LRBA: variants seen among roughly 807,000 people sequenced by gnomAD.
LRBA encodes lipopolysaccharide-responsive and beige-like anchor protein.
A neutral mutation model predicts 330.0 loss-of-function variants in LRBA; 176 were observed. The observed-to-expected ratio is 0.53, with a 90% CI of 0.47 to 0.60. The LOEUF (loss-of-function observed/expected upper bound fraction) is 0.60, where lower values mean the gene tolerates loss of function less well. LRBA is among the 20% of genes least tolerant of loss of function. The pLI, the probability that LRBA is intolerant of heterozygous loss-of-function variation, is 0.00. For synonymous variants in LRBA, 1,230 were observed against 1,193.0 expected, an observed-to-expected ratio of 1.03 and a Z score of -0.64; for missense variants, 3,259 against 3,444.8, an observed-to-expected ratio of 0.95 and a Z score of 1.35.
At chr4:150,677,462 G>C (rs532491939) in intron 37 of LRBA, among the ~76,000 whole-genome samples, 12 of 152,116 alleles carry the variant, frequency 7.9e-5, no homozygotes, top group African/African-American at 2.9e-4. Flanking sequence ...ATTTACTTTT[G>C]TAATATATTG....
chr4:150,435,265 C>T lies in LRBA; in HGVS notation c.7041+324G>A, dbSNP rs149082634. Among the ~76,000 whole-genome samples, 723 of 152,136 alleles carry T rather than the reference C, an allele frequency of 4.8e-3. 10 individuals carry two copies. Among genetic ancestry groups the T allele is most frequent in the Admixed American group, 0.028 (424 of 15,252 alleles). ...ACTTGGGAGGCTGAGGCAGAAGAAT[C>T]GCTTGAACCCTAGAGGTGGAGGTGG... is the stretch of plus-strand genomic sequence containing the variant. On this transcript the variant is annotated intron_variant, in intron 46 of 56. Transcript: ENST00000651943.
intron 44 of LRBA, among the ~76,000 whole-genome samples, chr4:150,439,409 C>A (rs2152000903): frequency 6.6e-6 from 1 of 152,074 alleles, no homozygotes; most frequent in Admixed American, 6.5e-5. Context: ...GTTATTGTTA[C>A]AGTTGGTTTC....
chr4:150,691,177 G>A (rs140087631), intron 36 of LRBA, among the ~76,000 whole-genome samples: 1,946 of 151,860 alleles, frequency 0.013, 13 homozygotes, highest in Middle Eastern at 0.041. Flanking sequence ...TGATCTGCCC[G>A]CCTTGGCCTC....
At chr4:150,437,354 G>A (rs1423496865) in intron 44 of LRBA, among the ~76,000 whole-genome samples, 1 of 151,654 alleles carries the variant, frequency 6.6e-6, no homozygotes, top group Non-Finnish European at 1.5e-5. Context: ...GGAAAACAGG[G>A]TTAAGAAACT....
intron 36 of LRBA, among the ~76,000 whole-genome samples, chr4:150,717,952 A>G (rs1728454504): frequency 6.6e-6 from 1 of 152,134 alleles, no homozygotes; most frequent in Admixed American, 6.5e-5. Context: ...CATATGTTTT[A>G]CAGATATATC....
chr4:150,853,146 G>C (rs538132296), intron 22 of LRBA, among the ~76,000 whole-genome samples: 1 of 152,206 alleles, frequency 6.6e-6, no homozygotes, highest in East Asian at 1.9e-4. Context: ...CAATTTTAAT[G>C]TTAACAAGTA....
chr4:150,265,756 T>C lies in LRBA; in HGVS notation c.8525A>G (p.Asn2842Ser). The change falls in exon 57 of 57, where the codon AAC becomes AGC. Residue 2842 changes from asparagine (N) to serine (S), a missense_variant. Transcript: ENST00000651943. ...GGTTTGGTATTCATGATGCCACCGG[T>C]TAAAGTCGTTGTAAAATAGCACAAT... The part of the protein sequence containing the change: ...GSIVLFYNDF[N>S]RWHHEYQTRY The C allele has an allele frequency of 6.2e-7, 1 of 1,613,778 alleles. No individual in the cohort carries two copies. Among genetic ancestry groups the C allele is most frequent in the South Asian group, 1.1e-5 (1 of 91,060 alleles).
intron 30 of LRBA, among the ~76,000 whole-genome samples, chr4:150,825,381 G>A (rs192950095): frequency 8.6e-5 from 13 of 151,948 alleles, no homozygotes; most frequent in Admixed American, 5.2e-4. Context: ...TATGGGGCAG[G>A]GGGGGAAGGA....
Position 150,928,882 on chromosome 4 carries a change from C to A in LRBA, c.400G>T (p.Val134Phe). ...NLQVCTEVGL[V>F]EKVLGKIEKV... The stretch of plus-strand genomic sequence containing the variant: ...TCAATTTTCCCAAGCACTTTTTCAA[C>A]AAGGCCTACTTCAGTGCAGACTTGA... The change falls in exon 3 of 57, where the codon GTT becomes TTT. Residue 134 changes from valine (V) to phenylalanine (F), a missense_variant. Val to Phe is a conservative substitution (Grantham distance 50). Coordinates refer to ENST00000651943, the MANE Select transcript of LRBA (RefSeq NM_001364905.1). 1.2e-6 allele frequency: 2 copies of A among 1,614,012 alleles called. No homozygotes were observed. The highest frequency in any genetic ancestry group is 1.1e-5 in the South Asian group (1 of 91,068).
intron 48 of LRBA, among the ~76,000 whole-genome samples, chr4:150,331,229 C>T (rs1258765483): frequency 1.4e-4 from 22 of 152,080 alleles, no homozygotes; most frequent in Admixed American, 1.4e-3. Context: ...GCCTATTCAG[C>T]CCTCTATATA....
In LRBA at chr4:150,631,071, G is replaced by C. The variant is rs557337736; in HGVS notation, c.5922-31940C>G. Among the ~76,000 whole-genome samples, 5 of 151,908 alleles carry C rather than the reference G, an allele frequency of 3.3e-5. No homozygotes were observed. In the South Asian group the frequency reaches 6.2e-4, roughly 19 times the overall value. ...ACCAAGAGTTTTGTAAAGTTAGATA[G>C]TCCTTAAAATATTTTCTTTGGCTTT... On this transcript the variant is annotated intron_variant, in intron 37 of 56. Coordinates refer to ENST00000651943, the MANE Select transcript of LRBA (RefSeq NM_001364905.1).
chr4:150,543,259 C>T (rs1032160761), intron 40 of LRBA, among the ~76,000 whole-genome samples: 2 of 152,134 alleles, frequency 1.3e-5, no homozygotes, highest in African/African-American at 4.8e-5. Flanking sequence ...CATTGAACTC[C>T]TATATCTTGT....
intron 22 of LRBA, among the ~76,000 whole-genome samples, chr4:150,854,759 G>A (rs1248275528): frequency 2.0e-5 from 3 of 152,164 alleles, no homozygotes; most frequent in African/African-American, 7.2e-5. Context: ...CAAATGCAAA[G>A]GCCTTGGAGC....
At chr4:150,929,819 A>G (rs1734271422) in intron 2 of LRBA, among the ~76,000 whole-genome samples, 1 of 152,004 alleles carries the variant, frequency 6.6e-6, no homozygotes, top group South Asian at 2.1e-4. Context: ...ATTTTTTTAA[A>G]TTTAAATTTT....
chr4:150,507,528 T>C (rs1416211096), intron 40 of LRBA, among the ~76,000 whole-genome samples: 1 of 152,188 alleles, frequency 6.6e-6, no homozygotes, highest in Non-Finnish European at 1.5e-5. Flanking sequence ...TAGCCATATG[T>C]AGGAAGCTGA....
chr4:150,766,379 AAG>A (rs1385226396), intron 34 of LRBA, among the ~76,000 whole-genome samples: 2 of 152,144 alleles, frequency 1.3e-5, no homozygotes, highest in Non-Finnish European at 2.9e-5. Context: ...CCTATATAAA[AAG>A]AATCTGAAGC....
At chr4:150,622,508 G>C (rs1776392599) in intron 37 of LRBA, among the ~76,000 whole-genome samples, 2 of 152,098 alleles carry the variant, frequency 1.3e-5, no homozygotes, top group Admixed American at 6.5e-5. Flanking sequence ...CTGCACACCA[G>C]CCTGAGCAAC....
chr4:150,921,154 G>A (rs1347086746), intron 5 of LRBA, 44 bp downstream of exon 5: 2 of 1,319,974 alleles, frequency 1.5e-6, no homozygotes, highest in Admixed American at 3.4e-5. Flanking sequence ...AGGGAGCAAA[G>A]GAAAGAAGAA....
intron 30 of LRBA, among the ~76,000 whole-genome samples, chr4:150,824,658 G>C (rs909298432): frequency 2.6e-5 from 4 of 152,166 alleles, no homozygotes; most frequent in African/African-American, 4.8e-5. Context: ...AGCAGCAATT[G>C]AAATGATCAT....
Sources: gnomAD v4.1 joint callset for allele counts (sites outside exome capture counted in the v4.1 genomes callset) on GRCh38, gnomAD v4.1.1 for gene constraint, MANE v1.5 for transcripts, NCBI Gene and HGNC (gene_info 2026-07-23, HGNC 2026-07-21) for gene names.